RUNX1: variants seen among roughly 807,000 people sequenced by gnomAD.
RUNX1 encodes runt-related transcription factor 1.
RUNX1 carries 19 observed loss-of-function variants against 42.8 expected under a neutral mutation model. The observed-to-expected ratio is 0.44, with a 90% CI of 0.31 to 0.65. RUNX1 has a LOEUF of 0.65. RUNX1 is among the 30% of genes least tolerant of loss of function. The pLI, the probability that RUNX1 is intolerant of heterozygous loss-of-function variation, is 0.07. For synonymous variants in RUNX1, 271 were observed against 289.4 expected, an observed-to-expected ratio of 0.94 and a Z score of 0.64; for missense variants, 528 against 672.0, an observed-to-expected ratio of 0.79 and a Z score of 2.37.
At chr21:34,833,845 C>G (rs2051394) in intron 7 of RUNX1, 114,091 of 216,780 alleles carry the variant, frequency 0.53, 31,013 homozygotes, top group African/African-American at 0.65. Context: ...TGCCAGCTAG[C>G]CCCATGGGCT....
intron 2 of RUNX1, among the ~76,000 whole-genome samples, chr21:35,025,275 A>C (rs2059226999): frequency 6.6e-6 from 1 of 152,216 alleles, no homozygotes; most frequent in Non-Finnish European, 1.5e-5. Context: ...CTCCATGAGG[A>C]CCTCAAGGTA....
chr21:34,888,103 T>C, intron 3 of RUNX1: 1 of 1,066,316 alleles, frequency 9.4e-7, no homozygotes, highest in Non-Finnish European at 1.1e-6. Context: ...AAACACGCAC[T>C]CTTCGGAAGG....
chr21:34,820,724 G>A (rs2056896291), intron 7 of RUNX1, among the ~76,000 whole-genome samples: 1 of 151,986 alleles, frequency 6.6e-6, no homozygotes, highest in Admixed American at 6.5e-5. Flanking sequence ...ACATGATACT[G>A]AACCCAACCA....
At chr21:35,034,840 T>C (rs913196826) in intron 2 of RUNX1, among the ~76,000 whole-genome samples, 4 of 152,210 alleles carry the variant, frequency 2.6e-5, no homozygotes, top group African/African-American at 9.6e-5. Context: ...ACTAGCTCTC[T>C]CATTTTACCC....
At chr21:34,939,819 G>A (rs1473756347) in intron 2 of RUNX1, among the ~76,000 whole-genome samples, 1 of 152,186 alleles carries the variant, frequency 6.6e-6, no homozygotes, top group Admixed American at 6.5e-5. Context: ...CAAATGCTGT[G>A]ATCTTTGTAT....
At chr21:34,889,639 C>A in intron 3 of RUNX1, 1 of 1,104,676 alleles carries the variant, frequency 9.1e-7, no homozygotes, top group Non-Finnish European at 1.1e-6. Context: ...CCTCTCCCCG[C>A]CCCCGTGCGC....
At chr21:34,888,963 G>T (rs1424647485) in intron 3 of RUNX1, among the ~76,000 whole-genome samples, 1 of 151,442 alleles carries the variant, frequency 6.6e-6, no homozygotes, top group Non-Finnish European at 1.5e-5. Context: ...CCCCGCCCGC[G>T]TGCGGACCCC....
In RUNX1 at chr21:34,887,242, T is replaced by TGGGGGGGG. The variant is rs3833348; in HGVS notation, c.98-154_98-147dup. The TGGGGGGGG allele has an allele frequency of 1.8e-4, 53 of 299,308 alleles. 9 individuals carry two copies. The highest frequency in any genetic ancestry group is 1.4e-3 in the South Asian group (10 of 7,272). 18.5% of individuals were successfully genotyped at this position (299,308 alleles called of 1,614,324 possible). On this transcript the variant is annotated intron_variant, in intron 3 of 8. Coordinates refer to ENST00000675419, the MANE Select transcript of RUNX1 (RefSeq NM_001754.5). ...CAGGGGCCTTTATTACTGCGGGGGG[T>TGGGGGGGG]GGGGGGGGGCGGGGGTGGTTAGGGG...
chr21:34,934,819 G>A (rs2058473633), intron 2 of RUNX1, among the ~76,000 whole-genome samples: 1 of 152,130 alleles, frequency 6.6e-6, no homozygotes, highest in Non-Finnish European at 1.5e-5. Context: ...GATGAAGGCA[G>A]GGGTGGGAGT....
chr21:34,913,267 G>T (rs1353918018), intron 2 of RUNX1, among the ~76,000 whole-genome samples: 1 of 152,116 alleles, frequency 6.6e-6, no homozygotes, highest in Non-Finnish European at 1.5e-5. Context: ...AAGGAGAAGA[G>T]AAATAATGGC....
chr21:34,813,154 T>C (rs1025949539), intron 7 of RUNX1, among the ~76,000 whole-genome samples: 1 of 152,092 alleles, frequency 6.6e-6, no homozygotes, highest in Admixed American at 6.6e-5. Context: ...TTGCCACAAC[T>C]GAGGAAGGGG....
At chr21:34,797,458 G>A (rs1308668290) in intron 8 of RUNX1, among the ~76,000 whole-genome samples, 1 of 152,198 alleles carries the variant, frequency 6.6e-6, no homozygotes, top group Non-Finnish European at 1.5e-5. Context: ...ACTATAAGGT[G>A]CTGATCTTGG....
chr21:34,956,923 T>C (rs148127564), intron 2 of RUNX1, among the ~76,000 whole-genome samples: 3 of 152,352 alleles, frequency 2.0e-5, no homozygotes, highest in East Asian at 1.9e-4. Context: ...CCCACCAGGC[T>C]TGCTGCAAAG....
At chr21:34,848,992 G>A (rs1051836810) in intron 6 of RUNX1, among the ~76,000 whole-genome samples, 1 of 151,328 alleles carries the variant, frequency 6.6e-6, no homozygotes, top group African/African-American at 2.4e-5. Flanking sequence ...TTTAAGCCAT[G>A]GTGAACAAAA....
intron 7 of RUNX1, among the ~76,000 whole-genome samples, chr21:34,817,190 A>C (rs917534883): frequency 6.6e-6 from 1 of 152,190 alleles, no homozygotes; most frequent in Non-Finnish European, 1.5e-5. Context: ...ATTCAAACTC[A>C]GGCTGGAGTG....
Position 34,943,357 on chromosome 21 carries a change from A to T in RUNX1, c.59-50394T>A, listed in dbSNP as rs994731241. ...TGTACCCATCCAGGCTCCAACATGA[A>T]CCACACAATGGACCTTAGGCCCATT... On this transcript the variant is annotated intron_variant, in intron 2 of 8. Coordinates refer to ENST00000675419, the MANE Select transcript of RUNX1 (RefSeq NM_001754.5). 4.6e-5 allele frequency among the ~76,000 whole-genome samples: 7 copies of T among 152,302 alleles called. No individual in the cohort carries two copies. The East Asian group carries it at 1.3e-3, about 29-fold the overall frequency.
At chr21:34,880,986 A>G (rs1442770554) in intron 4 of RUNX1, among the ~76,000 whole-genome samples, 2 of 152,216 alleles carry the variant, frequency 1.3e-5, no homozygotes, top group Admixed American at 1.3e-4. Flanking sequence ...AACCTAATAC[A>G]TTATGTATAA....
In RUNX1 at chr21:35,033,484, G is replaced by C. The variant is rs371860777; in HGVS notation, c.58+15358C>G. On this transcript the variant is annotated intron_variant, in intron 2 of 8. Transcript: ENST00000675419. ...CATCCATGTCTGTGATGGGGATGTG[G>C]GATTCCTGTTCTCTGTCCCTCTAAC... is the stretch of plus-strand genomic sequence containing the variant. Among the ~76,000 whole-genome samples the C allele has an allele frequency of 5.3e-4, 80 of 152,268 alleles. 3 individuals are homozygous for C. In the South Asian group the frequency reaches 0.017, roughly 32 times the overall value.
chr21:34,991,949 G>A (rs555116697), intron 2 of RUNX1, among the ~76,000 whole-genome samples: 2 of 152,286 alleles, frequency 1.3e-5, no homozygotes, highest in South Asian at 2.1e-4. Flanking sequence ...AGGAGTGCTG[G>A]CAACTGCTGT....
Sources: allele counts gnomAD v4.1 joint callset (sites outside exome capture counted in the v4.1 genomes callset), GRCh38; gene constraint gnomAD v4.1.1; transcripts MANE v1.5; gene names NCBI Gene and HGNC (gene_info 2026-07-23, HGNC 2026-07-21).